PRKCE: variants seen among roughly 807,000 people sequenced by gnomAD.
PRKCE encodes protein kinase C epsilon type.
PRKCE carries 16 observed loss-of-function variants against 85.4 expected under a neutral mutation model. The ratio of observed to expected loss-of-function variants is 0.19; its 90% CI spans 0.13 to 0.28. The LOEUF is 0.28. PRKCE is among the 10% of genes least tolerant of loss of function. The probability of loss-of-function intolerance (pLI) is 1.00; values close to 1 mark genes in which losing one functional copy is unlikely to be tolerated. For missense variants in PRKCE, 573 were observed against 975.2 expected, an observed-to-expected ratio of 0.59 and a Z score of 5.49; for synonymous variants, 388 against 371.5, an observed-to-expected ratio of 1.04 and a Z score of -0.51.
chr2:45,958,412 G>A (rs567071481), intron 2 of PRKCE, among the ~76,000 whole-genome samples: 7 of 151,102 alleles, frequency 4.6e-5, no homozygotes, highest in African/African-American at 1.7e-4. Context: ...GGGAGGTTGA[G>A]GCAGGAGAAT....
chr2:46,068,591 T>C lies in PRKCE; in HGVS notation c.1438-17617T>C, dbSNP rs1374714261. Among the ~76,000 whole-genome samples the C allele has an allele frequency of 3.9e-5, 6 of 152,188 alleles. No individual in the cohort carries two copies. The highest frequency in any genetic ancestry group is 4.4e-5 in the Non-Finnish European group (3 of 68,038). On this transcript the variant is annotated intron_variant, in intron 10 of 14. Coordinates refer to ENST00000306156, the MANE Select transcript of PRKCE (RefSeq NM_005400.3). This position sits in a 1 kb window ranked among gnomAD's most constrained non-coding sequence, Gnocchi z 4.3. ...AACAATATAAGGCAATGGTAGAAGG[T>C]TGTCACATACAGAATAAGATCAATC...
In PRKCE at chr2:46,155,356, C is replaced by T. The variant is rs1677093246; in HGVS notation, c.1920+4127C>T. Among the ~76,000 whole-genome samples the T allele has an allele frequency of 6.6e-6, 1 of 152,150 alleles. No homozygotes were observed. The highest frequency in any genetic ancestry group is 6.5e-5 in the Admixed American group (1 of 15,276). On this transcript the variant is annotated intron_variant, in intron 13 of 14. Coordinates refer to ENST00000306156, the MANE Select transcript of PRKCE (RefSeq NM_005400.3). The surrounding 1 kb of genome is among the most constrained non-coding windows in gnomAD (Gnocchi z 4.7). Reference sequence around the variant, plus strand: ...GCTCTTCTCAGCTCCTTGCTGGTGTCACTCGCGGGCCCCTGTTCGGCTCCT... The same window carrying T: ...GCTCTTCTCAGCTCCTTGCTGGTGTTACTCGCGGGCCCCTGTTCGGCTCCT...
rs552283495 is a variant in PRKCE, at chr2:46,171,527, A to G, written c.2067+11775A>G. On this transcript the variant is annotated intron_variant, in intron 14 of 14. Transcript: ENST00000306156. ...AGTTCATCATGGGAGGCAGGATAGT[A>G]CATGCCAGGGGCACAGCCTCGGGGT... 1.4e-4 allele frequency among the ~76,000 whole-genome samples: 21 copies of G among 152,312 alleles called. 1 individual carries two copies. The Middle Eastern group carries it at 0.02, about 148-fold the overall frequency.
chr2:45,715,225 G>A (rs1034291710), intron 1 of PRKCE, among the ~76,000 whole-genome samples: 2 of 152,348 alleles, frequency 1.3e-5, no homozygotes, highest in East Asian at 1.9e-4. Flanking sequence ...TGCCCACCAC[G>A]AGATGCTCCT....
intron 1 of PRKCE, among the ~76,000 whole-genome samples, chr2:45,679,035 A>G (rs1180524091): frequency 6.6e-6 from 1 of 152,186 alleles, no homozygotes; most frequent in Admixed American, 6.5e-5. Flanking sequence ...ACTAATGCCC[A>G]ACTTCTACAT....
rs374548073 is a variant in PRKCE at position 45,656,996 on chromosome 2, T to C, written c.348+4548T>C. Among the ~76,000 whole-genome samples, 8 of 152,330 alleles carry C rather than the reference T, an allele frequency of 5.3e-5. No homozygotes were observed. The East Asian group carries it at 1.5e-3, about 29-fold the overall frequency. On this transcript the variant is annotated intron_variant, in intron 1 of 14. Transcript: ENST00000306156. ...GAATGCTGGATGGATTGGCATTGCA[T>C]TTAGCACAGGGGTGGGAGGCAGGCG...
intron 3 of PRKCE, 63 bp from the exon 4 acceptor site, chr2:45,978,913 C>T: frequency 6.6e-7 from 1 of 1,522,832 alleles, no homozygotes; most frequent in Non-Finnish European, 9.0e-7. Context: ...GGTGGTTTTT[C>T]TGTTTGTTTT....
At chr2:46,014,041 T>G (rs1705912510) in intron 10 of PRKCE, among the ~76,000 whole-genome samples, 1 of 152,194 alleles carries the variant, frequency 6.6e-6, no homozygotes, top group Admixed American at 6.5e-5. Flanking sequence ...AGATTTGGGC[T>G]TTTCTTTACT....
chr2:45,667,280 C>T (rs1675959832), intron 1 of PRKCE, among the ~76,000 whole-genome samples: 1 of 152,116 alleles, frequency 6.6e-6, no homozygotes, highest in Non-Finnish European at 1.5e-5. Context: ...CACTGCACTC[C>T]AGCCTGGGTA....
chr2:46,005,178 C>G (rs1705069688), intron 8 of PRKCE, among the ~76,000 whole-genome samples: 1 of 152,184 alleles, frequency 6.6e-6, no homozygotes, highest in Admixed American at 6.5e-5. Context: ...GGGAAGGAGG[C>G]CAGTCCTAGG....
At chr2:45,677,428 C>G in intron 1 of PRKCE, among the ~76,000 whole-genome samples, 1 of 150,424 alleles carries the variant, frequency 6.6e-6, no homozygotes, top group Non-Finnish European at 1.5e-5. Flanking sequence ...GCAATCTCAG[C>G]TCACTGCAAG....
At chr2:45,722,913 T>C (rs1214222474) in intron 1 of PRKCE, among the ~76,000 whole-genome samples, 2 of 152,108 alleles carry the variant, frequency 1.3e-5, no homozygotes, top group Non-Finnish European at 2.9e-5. Flanking sequence ...CCAGCCTGGC[T>C]AACATAGTGA....
At chr2:46,037,926 TTTTC>T (rs1055153244) in intron 10 of PRKCE, among the ~76,000 whole-genome samples, 3 of 152,218 alleles carry the variant, frequency 2.0e-5, no homozygotes, top group Non-Finnish European at 4.4e-5. Context: ...TTGATGCTTA[TTTTC>T]TTTATCTTAA....
chr2:46,107,965 T>C (rs993676994), intron 11 of PRKCE, among the ~76,000 whole-genome samples: 1 of 152,200 alleles, frequency 6.6e-6, no homozygotes, highest in Non-Finnish European at 1.5e-5. Context: ...AGGGTCTCAC[T>C]CTCACAAGAC....
chr2:45,828,411 A>G (rs1690132849), intron 1 of PRKCE, among the ~76,000 whole-genome samples: 1 of 152,242 alleles, frequency 6.6e-6, no homozygotes, highest in Admixed American at 6.5e-5. Context: ...AAAAAATAAA[A>G]TAAAAATCTA....
intron 14 of PRKCE, among the ~76,000 whole-genome samples, chr2:46,183,183 A>G (rs1680167836): frequency 6.6e-6 from 1 of 152,222 alleles, no homozygotes; most frequent in South Asian, 2.1e-4. Flanking sequence ...TAGGAAAACA[A>G]AAAAGTTTTA....
In PRKCE at chr2:45,747,384, T is replaced by G. The variant is rs939198538; in HGVS notation, c.348+94936T>G. ...CCCATTTTCCCCTGCCCACATCCCC[T>G]GGAAGCCACTCTTCTACTTTCTGTC... On this transcript the variant is annotated intron_variant, in intron 1 of 14. Transcript: ENST00000306156. Among the ~76,000 whole-genome samples, 34 of 152,338 alleles carry G rather than the reference T, an allele frequency of 2.2e-4. No homozygotes were observed. In the South Asian group the frequency reaches 3.9e-3, roughly 18 times the overall value.
chr2:46,095,392 T>A (rs1201427701), intron 11 of PRKCE, among the ~76,000 whole-genome samples: 2 of 152,184 alleles, frequency 1.3e-5, no homozygotes, highest in African/African-American at 4.8e-5. Context: ...CTCATGCCCA[T>A]CTACCCCCAC....
intron 1 of PRKCE, among the ~76,000 whole-genome samples, chr2:45,788,849 A>T (rs890788899): frequency 3.9e-5 from 6 of 152,190 alleles, no homozygotes; most frequent in African/African-American, 1.4e-4. Flanking sequence ...CTTTAGCTTC[A>T]TATGTTTAAG....
Sources: allele counts gnomAD v4.1 joint callset (sites outside exome capture counted in the v4.1 genomes callset), GRCh38; gene constraint gnomAD v4.1.1; non-coding constraint Gnocchi (gnomAD v3.1); transcripts MANE v1.5; gene names NCBI Gene and HGNC (gene_info 2026-07-23, HGNC 2026-07-21).